APLF: variants seen among roughly 807,000 people sequenced by gnomAD.
APLF encodes aprataxin and PNK-like factor.
APLF carries 61 observed loss-of-function variants against 55.6 expected under a neutral mutation model. The ratio of observed to expected loss-of-function variants is 1.10; its 90% CI spans 0.89 to 1.36. The LOEUF (loss-of-function observed/expected upper bound fraction) is 1.36. APLF is among the 40% of genes most tolerant of loss of function. APLF has a pLI of 0.00. For missense variants in APLF, 611 were observed against 602.5 expected (o/e 1.01, Z -0.15); for synonymous variants, 207 against 214.8 (o/e 0.96, Z 0.32).
chr2:68,486,945 G>A (rs927386110), intron 1 of APLF, among the ~76,000 whole-genome samples: 2 of 152,022 alleles, frequency 1.3e-5, no homozygotes, highest in Non-Finnish European at 2.9e-5. Context: ...TACCCTAAAT[G>A]GCCTCTAACC....
chr2:68,519,480 G>T (rs998244964), intron 5 of APLF, among the ~76,000 whole-genome samples: 6 of 149,438 alleles, frequency 4.0e-5, no homozygotes, highest in African/African-American at 1.5e-4. Context: ...GGAGTTATTT[G>T]CAGGGACCAG....
At chr2:68,538,302 T>C (rs1252936417) in intron 7 of APLF, 75 bp downstream of exon 7, 2 of 1,334,266 alleles carry the variant, frequency 1.5e-6, no homozygotes, top group Non-Finnish European at 1.0e-6. Flanking sequence ...TGCTACAGTA[T>C]ATTAAAAACT....
rs112274607 is a variant in APLF, at chr2:68,493,613, A to G, written c.168+3352A>G. On this transcript the variant is annotated intron_variant, in intron 2 of 9. Transcript: ENST00000303795. ...GAAACACATGTAATTGGAACACGTA[A>G]TTAGGCCATTCATGCATTGACATAA... Among the ~76,000 whole-genome samples, 519 of 152,338 alleles carry G rather than the reference A, an allele frequency of 3.4e-3. 2 individuals carry two copies. Among genetic ancestry groups the G allele is most frequent in the African/African-American group, 0.012 (494 of 41,576 alleles).
rs2104092636 is a variant in APLF, at chr2:68,578,650, C to T, written c.*628C>T. 1 of 985,216 alleles carries T rather than the reference C, an allele frequency of 1.0e-6. No individual in the cohort carries two copies. Among genetic ancestry groups the T allele is most frequent in the African/African-American group, 1.7e-5 (1 of 57,300 alleles). 61.0% of individuals were successfully genotyped at this position (985,216 alleles called of 1,614,324 possible). A position where few individuals can be genotyped will look rare whatever the true frequency, so the allele number is the denominator to read the frequency against. On this transcript the variant is annotated 3_prime_UTR_variant, in exon 10 of 10. Transcript: ENST00000303795. The stretch of plus-strand genomic sequence containing the variant: ...CATGTAGGGAATGTTATTTTGTGTT[C>T]CACATCTGCAATTTACTGTATGTTT...
At chr2:68,573,701 A>G (rs1210915875) in intron 9 of APLF, among the ~76,000 whole-genome samples, 1 of 150,514 alleles carries the variant, frequency 6.6e-6, no homozygotes, top group Admixed American at 6.6e-5. Flanking sequence ...AGTAATTTCC[A>G]TTAGGTTAAG....
At chr2:68,504,541 CA>C (rs1676819006) in intron 3 of APLF, among the ~76,000 whole-genome samples, 1 of 151,768 alleles carries the variant, frequency 6.6e-6, no homozygotes, top group African/African-American at 2.4e-5. Flanking sequence ...AATAGATGCT[CA>C]AAAATAATTT....
At chr2:68,523,225 T>C (rs1263230611) in intron 5 of APLF, among the ~76,000 whole-genome samples, 1 of 152,014 alleles carries the variant, frequency 6.6e-6, no homozygotes, top group East Asian at 1.9e-4. Context: ...ATTACGACTT[T>C]ACTATCAGGT....
chr2:68,534,920 A>G (rs1255301751), intron 6 of APLF, among the ~76,000 whole-genome samples: 1 of 152,220 alleles, frequency 6.6e-6, no homozygotes, highest in Non-Finnish European at 1.5e-5. Context: ...TACTGCATGT[A>G]ATGGATTTTG....
intron 8 of APLF, among the ~76,000 whole-genome samples, chr2:68,552,224 A>G (rs6724540): frequency 0.24 from 36,288 of 151,836 alleles, 7,008 homozygotes; most frequent in African/African-American, 0.54. Context: ...GATATTTCAC[A>G]TTGCCTTTTT....
intron 8 of APLF, among the ~76,000 whole-genome samples, chr2:68,556,922 A>G (rs1671033416): frequency 6.6e-6 from 1 of 152,236 alleles, no homozygotes; most frequent in African/African-American, 2.4e-5. Context: ...CACAAGCACA[A>G]TTCCATTTTC....
At chr2:68,539,926 G>A (rs992067518) in intron 7 of APLF, among the ~76,000 whole-genome samples, 12 of 152,198 alleles carry the variant, frequency 7.9e-5, no homozygotes, top group African/African-American at 2.6e-4. Context: ...GAAATAACAT[G>A]TAGAGTAGAA....
At position 68,578,376 on chromosome 2, in the gene APLF, A is replaced by T. The variant is rs1028995596; in HGVS notation, c.*354A>T. On this transcript the variant is annotated 3_prime_UTR_variant, in exon 10 of 10. Coordinates refer to ENST00000303795, the MANE Select transcript of APLF (RefSeq NM_173545.3). ...TTAAATTTTTTTCCAAAGATTATGG[A>T]GTACTCTGCAAGTATAACCAGGCAA... The T allele has an allele frequency of 2.3e-5, 24 of 1,021,774 alleles. No homozygotes were observed. The African/African-American group carries it at 3.5e-4, about 15-fold the overall frequency. The allele number at this position is 1,021,774 out of a possible 1,614,324, so 63.3% of individuals were successfully genotyped here.
chr2:68,499,546 A>G (rs570671537), intron 2 of APLF, among the ~76,000 whole-genome samples: 1 of 152,212 alleles, frequency 6.6e-6, no homozygotes, highest in Non-Finnish European at 1.5e-5. Flanking sequence ...TCTAATAATT[A>G]AATACTCTCA....
intron 6 of APLF, among the ~76,000 whole-genome samples, chr2:68,530,620 C>A (rs943503970): frequency 1.3e-5 from 2 of 152,184 alleles, no homozygotes; most frequent in African/African-American, 4.8e-5. Flanking sequence ...TTTACAAGTT[C>A]ATAGTAGATC....
At chr2:68,563,219 A>G (rs931560836) in intron 8 of APLF, 11 of 985,184 alleles carry the variant, frequency 1.1e-5, no homozygotes, top group African/African-American at 1.7e-5. Flanking sequence ...AGATTCTCAA[A>G]GAAACAACTT....
rs1400490190 is a variant in APLF at position 68,496,186 on chromosome 2, C to T, written c.168+5925C>T. ...GTGTGATTTCAGCTCACTGCAACCT[C>T]CACCTCCTGGGTTCAAGCAGTTCTC... On this transcript the variant is annotated intron_variant, in intron 2 of 9. Coordinates refer to ENST00000303795, the MANE Select transcript of APLF (RefSeq NM_173545.3). 2.0e-5 allele frequency among the ~76,000 whole-genome samples: 3 copies of T among 152,216 alleles called. No individual in the cohort carries two copies. The East Asian group carries it at 5.8e-4, about 29-fold the overall frequency.
intron 8 of APLF, among the ~76,000 whole-genome samples, chr2:68,550,440 C>G (rs1015150543): frequency 6.6e-6 from 1 of 152,102 alleles, no homozygotes; most frequent in African/African-American, 2.4e-5. Flanking sequence ...CTATGTTGGC[C>G]AGGCTGGTCT....
intron 9 of APLF, 85 bp downstream of exon 9, chr2:68,567,472 A>AT: frequency 9.2e-7 from 1 of 1,092,574 alleles, no homozygotes; most frequent in African/African-American, 1.7e-5. Flanking sequence ...TTATGAAAAT[A>AT]TTTTAAAATC....
At chr2:68,526,364 A>G in intron 6 of APLF, 122 bp downstream of exon 6, 1 of 1,426,672 alleles carries the variant, frequency 7.0e-7, no homozygotes, top group Non-Finnish European at 9.7e-7. Flanking sequence ...TGAAGACAAA[A>G]CTAGCCCAAT....
Sources: allele counts gnomAD v4.1 joint callset (sites outside exome capture counted in the v4.1 genomes callset), GRCh38; gene constraint gnomAD v4.1.1; transcripts MANE v1.5; gene names NCBI Gene and HGNC (gene_info 2026-07-23, HGNC 2026-07-21).